TNIK: variants seen among roughly 807,000 people sequenced by gnomAD.
TNIK encodes TRAF2 and NCK-interacting protein kinase.
A neutral mutation model predicts 191.3 loss-of-function variants in TNIK; 49 were observed. The ratio of observed to expected loss-of-function variants is 0.26; its 90% CI spans 0.20 to 0.32. TNIK has a LOEUF of 0.32. Among genes scored for constraint, TNIK ranks in the 10% least tolerant of loss-of-function variants. The probability of loss-of-function intolerance (pLI) is 1.00; values close to 1 mark genes in which losing one functional copy is unlikely to be tolerated. For missense variants in TNIK, 1,155 were observed against 1,702.3 expected, an observed-to-expected ratio of 0.68 and a Z score of 5.66; for synonymous variants, 594 against 600.9, an observed-to-expected ratio of 0.99 and a Z score of 0.17.
chr3:171,135,507 C>A (rs944018078), intron 15 of TNIK, among the ~76,000 whole-genome samples: 8 of 152,212 alleles, frequency 5.3e-5, no homozygotes, highest in Admixed American at 4.6e-4. Context: ...AATATGATCA[C>A]CCACTCTAAG....
chr3:171,133,097 C>T (rs1295921262), intron 15 of TNIK, among the ~76,000 whole-genome samples: 1 of 152,206 alleles, frequency 6.6e-6, no homozygotes, highest in East Asian at 1.9e-4. Flanking sequence ...GATGCCCCTG[C>T]TCCGGGTCAC....
chr3:171,150,504 T>C (rs1360614122), intron 12 of TNIK, among the ~76,000 whole-genome samples: 6 of 152,234 alleles, frequency 3.9e-5, no homozygotes, highest in Admixed American at 3.9e-4. Flanking sequence ...CTGTTCCTTA[T>C]GAACTTTATT....
At chr3:171,330,085 C>A (rs1490588650) in intron 2 of TNIK, among the ~76,000 whole-genome samples, 1 of 152,152 alleles carries the variant, frequency 6.6e-6, no homozygotes, top group African/African-American at 2.4e-5. Flanking sequence ...TTATTCAGAT[C>A]TTAACATTTG....
intron 2 of TNIK, among the ~76,000 whole-genome samples, chr3:171,314,481 G>C (rs954387845): frequency 6.6e-6 from 1 of 152,156 alleles, no homozygotes; most frequent in South Asian, 2.1e-4. Flanking sequence ...CTGCCTCTCT[G>C]TAATTTGTCT....
intron 2 of TNIK, among the ~76,000 whole-genome samples, chr3:171,253,565 AAAG>A (rs1476219969): frequency 1.3e-5 from 2 of 151,910 alleles, no homozygotes; most frequent in Admixed American, 1.3e-4. Flanking sequence ...CTGAAAAAAA[AAAG>A]AAAAGAAATC....
chr3:171,352,824 G>C (rs571340623), intron 2 of TNIK, among the ~76,000 whole-genome samples: 1 of 152,178 alleles, frequency 6.6e-6, no homozygotes, highest in African/African-American at 2.4e-5. Context: ...TACTTTAAAA[G>C]GTCAAGTTTT....
At position 171,159,309 on chromosome 3, in the gene TNIK, G is replaced by A. The variant is rs923047462; in HGVS notation, c.1017-1645C>T. Among the ~76,000 whole-genome samples the A allele has an allele frequency of 1.3e-5, 2 of 152,130 alleles. No homozygotes were observed. The highest frequency in any genetic ancestry group is 2.9e-5 in the Non-Finnish European group (2 of 68,026). ...GCAGGTTCTGTCTTGGTGGCTGGGTGACGGTGGTAACGAGAACAGGAATGA... is the reference window on the plus strand; with the variant it reads ...GCAGGTTCTGTCTTGGTGGCTGGGTAACGGTGGTAACGAGAACAGGAATGA... On this transcript the variant is annotated intron_variant, in intron 11 of 32. Coordinates refer to ENST00000436636, the MANE Select transcript of TNIK (RefSeq NM_015028.4). The surrounding 1 kb of genome is among the most constrained non-coding windows in gnomAD (Gnocchi z 4.1).
chr3:171,185,819 T>G (rs1560232309), intron 7 of TNIK, among the ~76,000 whole-genome samples: 1 of 152,252 alleles, frequency 6.6e-6, no homozygotes, highest in African/African-American at 2.4e-5. Flanking sequence ...TAAGCTATAC[T>G]CTTTTTCTTT....
chr3:171,332,893 A>G (rs74809876), intron 2 of TNIK, among the ~76,000 whole-genome samples: 6,662 of 152,290 alleles, frequency 0.044, 496 homozygotes, highest in African/African-American at 0.15. Flanking sequence ...AGCTGACCCT[A>G]TAAGTTACTT....
At chr3:171,446,863 C>T (rs1230354480) in intron 1 of TNIK, among the ~76,000 whole-genome samples, 9 of 152,206 alleles carry the variant, frequency 5.9e-5, no homozygotes, top group Non-Finnish European at 2.9e-5. Flanking sequence ...TCCAAACACA[C>T]TTGCTGGATA....
intron 1 of TNIK, among the ~76,000 whole-genome samples, chr3:171,379,722 A>G (rs1304973056): frequency 6.6e-6 from 1 of 152,166 alleles, no homozygotes; most frequent in African/African-American, 2.4e-5. Context: ...TAAGAAGCAT[A>G]CATGCAGGCC....
chr3:171,441,249 C>G (rs1026144098), intron 1 of TNIK, among the ~76,000 whole-genome samples: 2 of 152,130 alleles, frequency 1.3e-5, no homozygotes, highest in African/African-American at 4.8e-5. Flanking sequence ...CAGGTTACCA[C>G]CATCCAATAT....
At position 171,453,753 on chromosome 3, in the gene TNIK, A is replaced by G. The variant is rs572837174; in HGVS notation, c.57+6254T>C. 1.3e-3 allele frequency among the ~76,000 whole-genome samples: 202 copies of G among 152,224 alleles called. No homozygotes were observed. In the Middle Eastern group the frequency reaches 0.014, roughly 10 times the overall value. On this transcript the variant is annotated intron_variant, in intron 1 of 32. Transcript: ENST00000436636. Reference sequence around the variant, plus strand: ...ACAGCACTTGCAGGGAACAGTGGAGACAAGGGGACCCATATGATAAACATT... The same window carrying G: ...ACAGCACTTGCAGGGAACAGTGGAGGCAAGGGGACCCATATGATAAACATT...
intron 5 of TNIK, among the ~76,000 whole-genome samples, chr3:171,191,439 T>C (rs761841526): frequency 6.6e-6 from 1 of 152,160 alleles, no homozygotes; most frequent in South Asian, 2.1e-4. Flanking sequence ...GGTTTCACCA[T>C]GTTGGCCAGG....
intron 1 of TNIK, among the ~76,000 whole-genome samples, chr3:171,409,603 C>T (rs1055785719): frequency 6.6e-6 from 1 of 151,542 alleles, no homozygotes; most frequent in East Asian, 1.9e-4. Context: ...AATAAACAGA[C>T]CAAAACAAGG....
chr3:171,449,519 T>G (rs146460141), intron 1 of TNIK, among the ~76,000 whole-genome samples: 4,596 of 152,196 alleles, frequency 0.03, 236 homozygotes, highest in African/African-American at 0.1. Context: ...GGCTAATTAT[T>G]AGGTTTAAAA....
chr3:171,342,208 T>G (rs976282604), intron 2 of TNIK, among the ~76,000 whole-genome samples: 1 of 152,226 alleles, frequency 6.6e-6, no homozygotes, highest in African/African-American at 2.4e-5. Context: ...CACAAACAGC[T>G]GGGTCCCAAT....
At chr3:171,231,410 C>T (rs1743628043) in intron 2 of TNIK, among the ~76,000 whole-genome samples, 1 of 151,014 alleles carries the variant, frequency 6.6e-6, no homozygotes, top group African/African-American at 2.4e-5. Flanking sequence ...AATTTCATTT[C>T]CCGGCTGAAA....
chr3:171,253,048 GA>G (rs1439414448), intron 2 of TNIK, among the ~76,000 whole-genome samples: 2 of 151,834 alleles, frequency 1.3e-5, no homozygotes, highest in African/African-American at 4.8e-5. Context: ...AGGCCGAGGC[GA>G]GTGGATCACG....
Sources: gnomAD v4.1 joint callset for allele counts (sites outside exome capture counted in the v4.1 genomes callset) on GRCh38, gnomAD v4.1.1 for gene constraint, Gnocchi (gnomAD v3.1) non-coding constraint, MANE v1.5 for transcripts, NCBI Gene and HGNC (gene_info 2026-07-23, HGNC 2026-07-21) for gene names.